The following CSMD1 variants were observed in gnomAD, a reference collection of about 807,000 sequenced individuals.
The protein encoded by CSMD1 is CUB and Sushi multiple domains 1, also known as CUB and sushi domain-containing protein 1.
In CSMD1, 213 loss-of-function variants were observed where a neutral mutation model predicts 417.5. That is an observed-to-expected ratio of 0.51 (90% CI 0.46 to 0.57). The LOEUF (loss-of-function observed/expected upper bound fraction) is 0.57, where lower values mean the gene tolerates loss of function less well. Ranked by LOEUF, CSMD1 falls within the 20% of genes least tolerant of loss-of-function variation. CSMD1 has a pLI of 0.00. For synonymous variants in CSMD1, 2,862 were observed against 1,736.8 expected (o/e 1.65, Z -16.11); for missense variants, 6,923 against 4,529.7 (o/e 1.53, Z -15.17).
chr8:3,196,025 G>C (rs1282527581), intron 33 of CSMD1, among the ~76,000 whole-genome samples: 3 of 152,030 alleles, frequency 2.0e-5, no homozygotes, highest in Non-Finnish European at 2.9e-5. Context: ...GTAGGAGGTC[G>C]GCACAAGGTA....
intron 41 of CSMD1, among the ~76,000 whole-genome samples, chr8:3,122,511 C>T (rs764908983): frequency 1.3e-4 from 20 of 152,260 alleles, no homozygotes; most frequent in Middle Eastern, 3.4e-3. Flanking sequence ...TGTCCCCACC[C>T]AAATCTCAAC....
chr8:4,586,837 G>T (rs1585291599), intron 2 of CSMD1, among the ~76,000 whole-genome samples: 1 of 152,176 alleles, frequency 6.6e-6, no homozygotes, highest in African/African-American at 2.4e-5. Flanking sequence ...CGCACAGTAG[G>T]ATCATGGCAG....
intron 4 of CSMD1, among the ~76,000 whole-genome samples, chr8:4,005,491 G>A (rs146540279): frequency 1.3e-5 from 2 of 152,110 alleles, no homozygotes; most frequent in South Asian, 4.1e-4. Context: ...ATTATCTCCA[G>A]TTTCAAATCA....
chr8:3,095,010 T>C (rs1815200007), intron 47 of CSMD1, among the ~76,000 whole-genome samples: 1 of 152,134 alleles, frequency 6.6e-6, no homozygotes, highest in Non-Finnish European at 1.5e-5. Flanking sequence ...CTAACGTATT[T>C]TACCTGTTGT....
intron 6 of CSMD1, among the ~76,000 whole-genome samples, chr8:3,734,256 C>A (rs148201423): frequency 1.1e-3 from 163 of 152,322 alleles, no homozygotes; most frequent in African/African-American, 3.7e-3. Flanking sequence ...CAGCACCATT[C>A]CATGTTTCAT....
chr8:4,880,732 G>A (rs892377963), intron 1 of CSMD1, among the ~76,000 whole-genome samples: 1 of 151,436 alleles, frequency 6.6e-6, no homozygotes, highest in Non-Finnish European at 1.5e-5. Context: ...ACGTGTCCAT[G>A]ATAAGATGAG....
At chr8:3,842,981 G>T (rs1210868164) in intron 5 of CSMD1, among the ~76,000 whole-genome samples, 1 of 152,226 alleles carries the variant, frequency 6.6e-6, no homozygotes, top group East Asian at 1.9e-4. Context: ...CAATTGTTTA[G>T]TTTGCTCAGT....
chr8:2,986,039 TAGAAGAAGGAA>T (rs1401992115), intron 54 of CSMD1, among the ~76,000 whole-genome samples: 1 of 146,650 alleles, frequency 6.8e-6, no homozygotes, highest in East Asian at 2.0e-4. Flanking sequence ...ACCGTCTCCA[TAGAAGAAGGAA>T]GGAAGGAAGG....
chr8:3,288,280 T>G lies in CSMD1; in HGVS notation c.3951-3934A>C, dbSNP rs563647236. Among the ~76,000 whole-genome samples the G allele has an allele frequency of 1.1e-3, 169 of 147,316 alleles. 30 individuals are homozygous for G. The highest frequency in any genetic ancestry group is 4.3e-3 in the African/African-American group (160 of 37,100). On this transcript the variant is annotated intron_variant, in intron 25 of 69. Coordinates refer to ENST00000635120, the MANE Select transcript of CSMD1 (RefSeq NM_033225.6). ...TAAAGTTCTCTTTTTTTGTTCTTTT[T>G]CTGCCAGGCTTTGGTATGAGGATGA...
intron 3 of CSMD1, among the ~76,000 whole-genome samples, chr8:4,080,962 A>G (rs1208651530): frequency 3.3e-5 from 5 of 152,138 alleles, no homozygotes; most frequent in Non-Finnish European, 5.9e-5. Context: ...TCCTGAATCA[A>G]ATTAATGCCC....
At chr8:3,307,917 A>G (rs1017909632) in intron 24 of CSMD1, 96 bp from the exon 25 acceptor site, 10 of 1,308,530 alleles carry the variant, frequency 7.6e-6, no homozygotes, top group African/African-American at 7.4e-5. Context: ...TGTCTGCATT[A>G]TATACATAGA....
At chr8:3,128,342 C>T (rs1381108928) in intron 41 of CSMD1, 1 of 152,738 alleles carries the variant, frequency 6.5e-6, no homozygotes, top group Non-Finnish European at 1.5e-5. Flanking sequence ...GAGTGCATGG[C>T]TTGATTTTAC....
At position 3,250,506 on chromosome 8, in the gene CSMD1, C is replaced by A. The variant is rs1218176998; in HGVS notation, c.4154-20275G>T. Among the ~76,000 whole-genome samples, 4 of 152,232 alleles carry A rather than the reference C, an allele frequency of 2.6e-5. No individual in the cohort carries two copies. The East Asian group carries it at 7.7e-4, about 29-fold the overall frequency. On this transcript the variant is annotated intron_variant, in intron 26 of 69. Transcript: ENST00000635120. ...CAAGTCTTTGCTATTGTGAATAGTG[C>A]CGCAATAAACATACGTATGAATGGG... is the stretch of plus-strand genomic sequence containing the variant.
intron 37 of CSMD1, among the ~76,000 whole-genome samples, chr8:3,177,118 A>T (rs891457860): frequency 5.3e-5 from 8 of 152,204 alleles, no homozygotes; most frequent in African/African-American, 1.7e-4. Flanking sequence ...CCCAGAAGAG[A>T]CGAGAGCCGC....
At chr8:3,335,624 C>A (rs555728732) in intron 23 of CSMD1, among the ~76,000 whole-genome samples, 5 of 152,106 alleles carry the variant, frequency 3.3e-5, no homozygotes, top group Non-Finnish European at 7.3e-5. Context: ...TGCAATGAGT[C>A]GAGCTCGTGC....
chr8:4,677,127 A>G (rs963490642), intron 1 of CSMD1, among the ~76,000 whole-genome samples: 6 of 147,758 alleles, frequency 4.1e-5, no homozygotes, highest in Admixed American at 6.8e-5. Flanking sequence ...TATAATATAT[A>G]TGATACATAA....
At chr8:3,481,106 A>C (rs1228527406) in intron 11 of CSMD1, among the ~76,000 whole-genome samples, 1 of 145,288 alleles carries the variant, frequency 6.9e-6, no homozygotes, top group Non-Finnish European at 1.5e-5. Context: ...CAGTGAGCCC[A>C]GATTAGCCAC....
At chr8:4,838,083 G>T (rs934476190) in intron 1 of CSMD1, among the ~76,000 whole-genome samples, 1 of 152,010 alleles carries the variant, frequency 6.6e-6, no homozygotes, top group Non-Finnish European at 1.5e-5. Context: ...TGGATTTGCC[G>T]GTAATAAAAA....
chr8:3,080,004 G>C (rs1813968148), intron 49 of CSMD1, among the ~76,000 whole-genome samples: 1 of 152,130 alleles, frequency 6.6e-6, no homozygotes. Context: ...AAAAACAGAA[G>C]CTTAATCATG....
Sources: gnomAD v4.1 joint callset for allele counts (sites outside exome capture counted in the v4.1 genomes callset) on GRCh38, gnomAD v4.1.1 for gene constraint, MANE v1.5 for transcripts, NCBI Gene and HGNC (gene_info 2026-07-23, HGNC 2026-07-21) for gene names.